SRPX: variants seen among roughly 807,000 people sequenced by gnomAD.
SRPX encodes the protein sushi repeat containing protein X-linked, also known as sushi repeat-containing protein SRPX.
A neutral mutation model predicts 38.1 loss-of-function variants in SRPX; 24 were observed. The ratio of observed to expected loss-of-function variants is 0.63; its 90% CI spans 0.46 to 0.89. The LOEUF (loss-of-function observed/expected upper bound fraction) is 0.89. Among genes scored for constraint, SRPX ranks in the 40% least tolerant of loss-of-function variants. The pLI is 0.00. For missense variants in SRPX, 416 were observed against 377.8 expected (o/e 1.10, Z -0.84); for synonymous variants, 184 against 153.8 (o/e 1.20, Z -1.45).
intron 1 of SRPX, 37 bp from the exon 2 acceptor site, chrX:38,178,381 G>C: frequency 7.1e-6 from 8 of 1,128,224 alleles, no homozygotes; most frequent in Non-Finnish European, 9.7e-6. Flanking sequence ...AGCAAGAAAA[G>C]CCACATAGTA....
intron 1 of SRPX, among the ~76,000 whole-genome samples, chrX:38,214,202 C>T (rs1939387780): frequency 9.0e-6 from 1 of 111,687 alleles, no homozygotes; most frequent in Admixed American, 9.5e-5. Context: ...TCTGTGTGAC[C>T]CCAGACAAAT....
At chrX:38,169,691 T>A (rs1023304633) in intron 4 of SRPX, among the ~76,000 whole-genome samples, 4 of 111,793 alleles carry the variant, frequency 3.6e-5, no homozygotes, top group African/African-American at 1.3e-4. Context: ...CTTTGCTGGT[T>A]TTTCATTGTC....
chrX:38,161,410 G>A (rs922916420), intron 5 of SRPX, among the ~76,000 whole-genome samples: 1 of 106,964 alleles, frequency 9.3e-6, no homozygotes, highest in African/African-American at 3.4e-5. Context: ...TTGCCTCACT[G>A]TTGGGAAGAC....
At chrX:38,203,328 T>G (rs1428651586) in intron 1 of SRPX, among the ~76,000 whole-genome samples, 1 of 112,281 alleles carries the variant, frequency 8.9e-6, no homozygotes, top group African/African-American at 3.2e-5. Context: ...CAATTAACAT[T>G]ATACTTTACG....
chrX:38,153,510 T>G (rs976018337), intron 9 of SRPX, among the ~76,000 whole-genome samples: 1 of 110,758 alleles, frequency 9.0e-6, no homozygotes, highest in Non-Finnish European at 1.9e-5. Context: ...CTGTGCCTTC[T>G]GAACAGGTGT....
chrX:38,197,303 A>T (rs1258811506), intron 1 of SRPX, among the ~76,000 whole-genome samples: 1 of 112,620 alleles, frequency 8.9e-6, no homozygotes. Flanking sequence ...CCAGCAGGTG[A>T]AATAGTTTCT....
chrX:38,207,982 C>T (rs1036942769), intron 1 of SRPX, among the ~76,000 whole-genome samples: 3 of 111,665 alleles, frequency 2.7e-5, no homozygotes, highest in South Asian at 3.8e-4. Flanking sequence ...TCAATGTGGG[C>T]GCTATGGGCA....
chrX:38,171,864 C>A lies in SRPX; in HGVS notation c.526+17G>T. 1.7e-6 allele frequency: 2 copies of A among 1,209,777 alleles called. No homozygotes were observed. The highest frequency in any genetic ancestry group is 2.2e-6 in the Non-Finnish European group (2 of 894,018). ...TCCCAAAGCAAGTGCCTCCTAAGGGCTGTGGCATTTTCTTACCCACACAGG... is the reference window on the plus strand; with the variant it reads ...TCCCAAAGCAAGTGCCTCCTAAGGGATGTGGCATTTTCTTACCCACACAGG... On this transcript the variant is annotated intron_variant, in intron 4 of 9. Coordinates refer to ENST00000378533, the MANE Select transcript of SRPX (RefSeq NM_006307.5).
At chrX:38,161,619 A>G (rs1216494465) in intron 5 of SRPX, among the ~76,000 whole-genome samples, 1 of 111,716 alleles carries the variant, frequency 9.0e-6, no homozygotes, top group Non-Finnish European at 1.9e-5. Flanking sequence ...TGTTCTTTGC[A>G]CTTACATAAA....
chrX:38,209,196 CAT>C (rs1380600500), intron 1 of SRPX, among the ~76,000 whole-genome samples: 1 of 110,191 alleles, frequency 9.1e-6, no homozygotes, highest in Non-Finnish European at 1.9e-5. Flanking sequence ...CCACCAAAAA[CAT>C]AGAAATGGAA....
intron 1 of SRPX, among the ~76,000 whole-genome samples, chrX:38,207,534 C>T (rs1939234206): frequency 8.9e-6 from 1 of 112,295 alleles, no homozygotes; most frequent in Non-Finnish European, 1.9e-5. Context: ...GCATGTGGTC[C>T]TTCAAATGCT....
chrX:38,168,388 C>T (rs922115627), intron 4 of SRPX, among the ~76,000 whole-genome samples: 3 of 111,418 alleles, frequency 2.7e-5, no homozygotes, highest in African/African-American at 6.5e-5. Flanking sequence ...ACAACTTTTC[C>T]CAACTGAGGT....
At chrX:38,174,039 G>C (rs752647501) in intron 3 of SRPX, 121 bp downstream of exon 3, 1 of 505,347 alleles carries the variant, frequency 2.0e-6, no homozygotes, top group African/African-American at 2.5e-5. Context: ...TCCCCCTGGT[G>C]TCCCCCTGAT....
chrX:38,210,874 G>C (rs1317436870), intron 1 of SRPX, among the ~76,000 whole-genome samples: 1 of 111,959 alleles, frequency 8.9e-6, no homozygotes, highest in Non-Finnish European at 1.9e-5. Context: ...CTTGTTAAAA[G>C]GTAGGTGCTT....
intron 8 of SRPX, among the ~76,000 whole-genome samples, chrX:38,155,092 C>T (rs1218776767): frequency 1.9e-5 from 2 of 106,413 alleles, no homozygotes; most frequent in Middle Eastern, 4.8e-3. Flanking sequence ...CAGTCAACCA[C>T]GAGGAGGGCT....
chrX:38,164,109 G>A (rs747714372), intron 5 of SRPX, among the ~76,000 whole-genome samples: 11 of 105,898 alleles, frequency 1.0e-4, no homozygotes, highest in Non-Finnish European at 1.9e-4. Flanking sequence ...GTGAGTATAT[G>A]GTAGGTATAT....
chrX:38,160,753 T>A (rs1257862116), intron 6 of SRPX, among the ~76,000 whole-genome samples, 180 bp downstream of exon 6: 1 of 111,253 alleles, frequency 9.0e-6, no homozygotes, highest in Non-Finnish European at 1.9e-5. Flanking sequence ...CCCATCCGGA[T>A]GTGTATCGTG....
intron 1 of SRPX, among the ~76,000 whole-genome samples, chrX:38,215,557 G>A (rs1002879624): frequency 8.9e-6 from 1 of 112,273 alleles, no homozygotes; most frequent in African/African-American, 3.2e-5. Flanking sequence ...GCCCTGATTC[G>A]TTGCCTGTCC....
In SRPX at chrX:38,159,045, T is replaced by C. The variant is rs191557870; in HGVS notation, c.955+972A>G. 1.6e-3 allele frequency among the ~76,000 whole-genome samples: 181 copies of C among 112,122 alleles called. 1 individual carries two copies. The highest frequency in any genetic ancestry group is 5.1e-3 in the African/African-American group (159 of 30,924). ...TAGGTAGAAATGATTTTATGTTTTA[T>C]CTAACCCAATATATCCAAAATATTT... On this transcript the variant is annotated intron_variant, in intron 7 of 9. Transcript: ENST00000378533.
Sources: gnomAD v4.1 joint callset for allele counts (sites outside exome capture counted in the v4.1 genomes callset) on GRCh38, gnomAD v4.1.1 for gene constraint, MANE v1.5 for transcripts, NCBI Gene and HGNC (gene_info 2026-07-23, HGNC 2026-07-21) for gene names.